Variants in ALG12 observed in about 807,000 individuals in gnomAD.
ALG12 encodes dol-P-Man:Man(7)GlcNAc(2)-PP-Dol alpha-1,6-mannosyltransferase.
ALG12 carries 36 observed loss-of-function variants against 46.0 expected under a neutral mutation model. That is an observed-to-expected ratio of 0.78 (90% CI 0.60 to 1.03). The LOEUF is 1.03. Among genes scored for constraint, ALG12 ranks in the 50% least tolerant of loss-of-function variants. ALG12 has a pLI of 0.00. For missense variants in ALG12, 599 were observed against 633.5 expected (o/e 0.95, Z 0.58); for synonymous variants, 326 against 291.6 (o/e 1.12, Z -1.20).
chr22:49,884,036 T>G, the ALG12 span: 15 of 1,605,684 alleles, frequency 9.3e-6, no homozygotes, highest in Non-Finnish European at 1.2e-5. Flanking sequence ...AAGCATTTTT[T>G]TATCTCTCCC....
At chr22:49,899,330 T>G (rs1227417719), downstream of ALG12, among the ~76,000 whole-genome samples, 6 of 151,774 alleles carry the variant, frequency 4.0e-5, no homozygotes, top group African/African-American at 1.4e-4. Context: ...CAAAAAAAAT[T>G]AGCCGGGCAT....
the ALG12 span, among the ~76,000 whole-genome samples, chr22:49,874,549 A>G: frequency 6.9e-6 from 1 of 144,322 alleles, no homozygotes; most frequent in East Asian, 2.1e-4. Flanking sequence ...CCATTTTTGT[A>G]TTTTTAGTAG....
At chr22:49,914,237 T>C (rs557988840) in intron 1 of ALG12, among the ~76,000 whole-genome samples, 42 of 152,278 alleles carry the variant, frequency 2.8e-4, no homozygotes, top group African/African-American at 9.9e-4. Flanking sequence ...AATGGGAGGC[T>C]GAGGGGTGCC....
the ALG12 span, chr22:49,887,236 A>G: frequency 1.3e-6 from 2 of 1,542,462 alleles, no homozygotes; most frequent in African/African-American, 2.8e-5. Flanking sequence ...AGCAGCCTGT[A>G]CCAGGTCTAT....
rs1006783955 is a variant in ALG12, at chr22:49,906,499, C to A, written c.992+1222G>T. On this transcript the variant is annotated intron_variant, in intron 7 of 9. Transcript: ENST00000330817. This position sits in a 1 kb window ranked among gnomAD's most constrained non-coding sequence, Gnocchi z 4.4. The stretch of plus-strand genomic sequence containing the variant: ...CCCCAGCGAGGAACAGTCACGGCAG[C>A]CAGAGGAGCTCCCAGGCCCGAGGGC... 5.3e-5 allele frequency among the ~76,000 whole-genome samples: 8 copies of A among 152,118 alleles called. No homozygotes were observed. The highest frequency in any genetic ancestry group is 1.2e-4 in the African/African-American group (5 of 41,414).
chr22:49,873,253 A>C, the ALG12 span, among the ~76,000 whole-genome samples: 5 of 152,234 alleles, frequency 3.3e-5, no homozygotes, highest in African/African-American at 1.2e-4. Flanking sequence ...TATCTTTTGA[A>C]AATGAGAGAC....
chr22:49,886,568 A>C, the ALG12 span: 1 of 1,556,710 alleles, frequency 6.4e-7, no homozygotes, highest in Non-Finnish European at 8.7e-7. The surrounding 1 kb of genome is among the most constrained non-coding windows in gnomAD (Gnocchi z 7.7). Flanking sequence ...AGGAAGGTGG[A>C]GATGCTCTTC....
At chr22:49,908,155 G>A (rs1447062790) in intron 6 of ALG12, among the ~76,000 whole-genome samples, 1 of 152,206 alleles carries the variant, frequency 6.6e-6, no homozygotes, top group Non-Finnish European at 1.5e-5. Context: ...TACCACTTGG[G>A]CGTCGGGCCC....
chr22:49,864,466 C>T, the ALG12 span, among the ~76,000 whole-genome samples: 2 of 152,154 alleles, frequency 1.3e-5, no homozygotes, highest in East Asian at 1.9e-4. Flanking sequence ...ACAGATGCTT[C>T]GCAACTCAGG....
At chr22:49,880,619 A>T in the ALG12 span, among the ~76,000 whole-genome samples, 2 of 152,218 alleles carry the variant, frequency 1.3e-5, no homozygotes, top group Admixed American at 1.3e-4. Flanking sequence ...TCTGAGGTCA[A>T]CCTGGTTTCC....
At chr22:49,909,187 A>C in intron 6 of ALG12, 57 bp downstream of exon 6, 1 of 1,549,972 alleles carries the variant, frequency 6.5e-7, no homozygotes, top group Non-Finnish European at 8.9e-7. Flanking sequence ...ATGGAGGCCC[A>C]GGAGATGTGG....
At chr22:49,887,937 CT>C in the ALG12 span, 36 of 167,262 alleles carry the variant, frequency 2.2e-4, no homozygotes, top group African/African-American at 8.4e-4. Flanking sequence ...CAATGACACG[CT>C]GATGGCAGGT....
rs968466329 is a variant in ALG12 at position 49,903,448 on chromosome 22, G to A, written c.*390C>T. 4.3e-6 allele frequency: 2 copies of A among 468,930 alleles called. No individual in the cohort carries two copies. 29.0% of individuals were successfully genotyped at this position (468,930 alleles called of 1,614,324 possible). ...CCTCGGGCAGCAAGCGTGGGGTGCT[G>A]CCAAAATACAGCTCCCCCTGGGTGG... On this transcript the variant is annotated 3_prime_UTR_variant, in exon 10 of 10. Coordinates refer to ENST00000330817, the MANE Select transcript of ALG12 (RefSeq NM_024105.4).
chr22:49,897,189 C>T (rs1038661099), downstream of ALG12, among the ~76,000 whole-genome samples: 1 of 151,804 alleles, frequency 6.6e-6, no homozygotes, highest in African/African-American at 2.4e-5. Context: ...ATTTTTAGCA[C>T]TGAATAACAG....
the ALG12 span, chr22:49,885,665 T>A: frequency 6.2e-7 from 1 of 1,612,940 alleles, no homozygotes; most frequent in Non-Finnish European, 8.5e-7. Flanking sequence ...ATGATTGCAC[T>A]TGACCTCCAG....
chr22:49,907,487 TAAAA>T (rs1049716292), intron 7 of ALG12, among the ~76,000 whole-genome samples: 7 of 152,092 alleles, frequency 4.6e-5, no homozygotes, highest in Non-Finnish European at 7.4e-5. Context: ...GTGTTTATCT[TAAAA>T]AACAGCCCTG....
At chr22:49,882,746 CGCA>C in the ALG12 span, among the ~76,000 whole-genome samples, 507 of 152,290 alleles carry the variant, frequency 3.3e-3, 3 homozygotes, top group African/African-American at 0.012. Context: ...TCCAGCACGG[CGCA>C]GCATCACTTG....
At chr22:49,865,690 T>C in the ALG12 span, among the ~76,000 whole-genome samples, 1 of 151,846 alleles carries the variant, frequency 6.6e-6, no homozygotes, top group African/African-American at 2.4e-5. Context: ...ATGCTCACAT[T>C]GGGTCCTCAT....
At chr22:49,875,169 G>A in the ALG12 span, among the ~76,000 whole-genome samples, 1 of 151,786 alleles carries the variant, frequency 6.6e-6, no homozygotes, top group Non-Finnish European at 1.5e-5. Flanking sequence ...TCAGGGTAAT[G>A]CTGCTGATAT....
Sources: gnomAD v4.1 joint callset for allele counts (sites outside exome capture counted in the v4.1 genomes callset) on GRCh38, gnomAD v4.1.1 for gene constraint, Gnocchi (gnomAD v3.1) non-coding constraint, MANE v1.5 for transcripts, NCBI Gene and HGNC (gene_info 2026-07-23, HGNC 2026-07-21) for gene names.